RPS6KC1: variants seen among roughly 807,000 people sequenced by gnomAD.
RPS6KC1 encodes the protein ribosomal protein S6 kinase C1.
Under a neutral mutation model 103.8 loss-of-function variants are expected in RPS6KC1, and 54 were observed. The observed-to-expected ratio is 0.52, with a 90% confidence interval of 0.42 to 0.65. RPS6KC1 has a LOEUF of 0.65. Ranked by LOEUF, RPS6KC1 falls within the 30% of genes least tolerant of loss-of-function variation. The probability of loss-of-function intolerance (pLI) is 0.00; values close to 1 mark genes in which losing one functional copy is unlikely to be tolerated. For synonymous variants in RPS6KC1, 439 were observed against 438.7 expected, an observed-to-expected ratio of 1.00 and a Z score of -0.01; for missense variants, 1,151 against 1,253.8, an observed-to-expected ratio of 0.92 and a Z score of 1.24.
At chr1:213,729,155 G>GC in the RPS6KC1 span, among the ~76,000 whole-genome samples, 1 of 152,018 alleles carries the variant, frequency 6.6e-6, no homozygotes, top group African/African-American at 2.4e-5. Flanking sequence ...CCTGGAACCT[G>GC]CAGTGTTTTC....
chr1:213,593,443 C>T, the RPS6KC1 span, among the ~76,000 whole-genome samples: 2 of 152,248 alleles, frequency 1.3e-5, 1 homozygote, highest in South Asian at 4.1e-4. Flanking sequence ...CAAGGATATT[C>T]CCCTGGAAGG....
At chr1:213,800,495 G>T in the RPS6KC1 span, among the ~76,000 whole-genome samples, 1 of 147,070 alleles carries the variant, frequency 6.8e-6, no homozygotes, top group South Asian at 2.2e-4. Context: ...GGTCAGGTTG[G>T]ACAAATCTGG....
At chr1:213,740,091 T>C in the RPS6KC1 span, among the ~76,000 whole-genome samples, 1 of 152,138 alleles carries the variant, frequency 6.6e-6, no homozygotes. Context: ...ATGGACATTT[T>C]AAAGGTGAAA....
the RPS6KC1 span, among the ~76,000 whole-genome samples, chr1:213,457,486 G>C: frequency 1.2e-5 from 1 of 85,542 alleles, no homozygotes; most frequent in Non-Finnish European, 2.9e-5. Flanking sequence ...TCACTGAGCA[G>C]GGACACTGCC....
chr1:213,396,725 T>G, the RPS6KC1 span, among the ~76,000 whole-genome samples: 390 of 152,310 alleles, frequency 2.6e-3, 1 homozygote, highest in African/African-American at 8.7e-3. Flanking sequence ...TGGACCTCCT[T>G]TTGTTTGTTC....
At chr1:213,244,316 A>T (rs1439514029) in intron 12 of RPS6KC1, among the ~76,000 whole-genome samples, 1 of 152,098 alleles carries the variant, frequency 6.6e-6, no homozygotes, top group Admixed American at 6.6e-5. Context: ...TTAGAATCAA[A>T]CTTAATTTGG....
At chr1:213,117,290 GA>G in intron 4 of RPS6KC1, 26 bp from the exon 5 acceptor site, 1 of 1,334,454 alleles carries the variant, frequency 7.5e-7, no homozygotes, top group Non-Finnish European at 1.1e-6. Flanking sequence ...TAATGCTAAT[GA>G]AACACAATTG....
At chr1:213,533,971 C>T in the RPS6KC1 span, among the ~76,000 whole-genome samples, 2 of 152,218 alleles carry the variant, frequency 1.3e-5, no homozygotes, top group African/African-American at 4.8e-5. Flanking sequence ...CTCATCCAGG[C>T]AGACTCCTTC....
chr1:213,661,906 G>A, the RPS6KC1 span, among the ~76,000 whole-genome samples: 1 of 152,230 alleles, frequency 6.6e-6, no homozygotes, highest in Admixed American at 6.5e-5. Context: ...GAATGAATGA[G>A]ATATCACTAT....
chr1:213,745,522 A>G, the RPS6KC1 span, among the ~76,000 whole-genome samples: 1 of 151,952 alleles, frequency 6.6e-6, no homozygotes, highest in East Asian at 1.9e-4. Context: ...ATGTGAACGC[A>G]GTGGATTTGG....
the RPS6KC1 span, among the ~76,000 whole-genome samples, chr1:213,513,428 G>A: frequency 6.6e-6 from 1 of 150,972 alleles, no homozygotes; most frequent in Non-Finnish European, 1.5e-5. Context: ...AGTACCCAAG[G>A]TGGTCAGGGG....
At chr1:213,425,945 A>C in the RPS6KC1 span, among the ~76,000 whole-genome samples, 1 of 152,046 alleles carries the variant, frequency 6.6e-6, no homozygotes, top group Non-Finnish European at 1.5e-5. Context: ...TGAGGGAGGA[A>C]TGTCCCCGAG....
At chr1:213,854,686 C>T in the RPS6KC1 span, among the ~76,000 whole-genome samples, 1 of 152,088 alleles carries the variant, frequency 6.6e-6, no homozygotes, top group Admixed American at 6.5e-5. Context: ...CGTTTACAGA[C>T]TTGCAAAATA....
At chr1:213,692,127 G>A in the RPS6KC1 span, among the ~76,000 whole-genome samples, 4 of 152,220 alleles carry the variant, frequency 2.6e-5, no homozygotes, top group Non-Finnish European at 5.9e-5. Flanking sequence ...AAGAGGCCAA[G>A]GACAGTGGCT....
chr1:213,404,985 C>T, the RPS6KC1 span, among the ~76,000 whole-genome samples: 4 of 152,328 alleles, frequency 2.6e-5, no homozygotes, highest in South Asian at 8.3e-4. Flanking sequence ...GGTGGAGGCA[C>T]AAACGCCACC....
At chr1:213,748,426 G>T in the RPS6KC1 span, among the ~76,000 whole-genome samples, 1 of 152,220 alleles carries the variant, frequency 6.6e-6, no homozygotes, top group Non-Finnish European at 1.5e-5. Context: ...GAATGATTTT[G>T]CATTGTAAGT....
the RPS6KC1 span, among the ~76,000 whole-genome samples, chr1:213,457,279 C>T: frequency 6.6e-6 from 1 of 152,228 alleles, no homozygotes; most frequent in African/African-American, 2.4e-5. Context: ...TCCACGCCAT[C>T]CTCGGCAACC....
the RPS6KC1 span, among the ~76,000 whole-genome samples, chr1:213,437,433 A>G: frequency 6.6e-6 from 1 of 151,940 alleles, no homozygotes; most frequent in Non-Finnish European, 1.5e-5. Context: ...AGGACTTTTG[A>G]GTTTAAAAGA....
chr1:213,701,264 A>G, the RPS6KC1 span, among the ~76,000 whole-genome samples: 1 of 151,886 alleles, frequency 6.6e-6, no homozygotes, highest in East Asian at 1.9e-4. Flanking sequence ...TATCATGAAG[A>G]CATGTTGAAT....
Sources: allele counts gnomAD v4.1 joint callset (sites outside exome capture counted in the v4.1 genomes callset), GRCh38; gene constraint gnomAD v4.1.1; transcripts MANE v1.5; gene names NCBI Gene and HGNC (gene_info 2026-07-23, HGNC 2026-07-21).